ZNF83: variants seen among roughly 807,000 people sequenced by gnomAD.
ZNF83 encodes the protein zinc finger protein 816B.
For missense variants in ZNF83, 552 were observed against 629.9 expected (o/e 0.88, Z 1.32); for synonymous variants, 209 against 213.0 (o/e 0.98, Z 0.17).
chr19:52,654,057 T>G, intron 3 of ZNF83: 1 of 1,591,776 alleles, frequency 6.3e-7, no homozygotes, highest in Non-Finnish European at 8.6e-7. Context: ...ACTTCTCCAC[T>G]TGATTATCAA....
intron 3 of ZNF83, chr19:52,652,210 A>G: frequency 9.1e-6 from 2 of 219,194 alleles, no homozygotes; most frequent in Non-Finnish European, 1.8e-5. Context: ...AGGCCGAGGC[A>G]GGCGGATCAC....
chr19:52,669,045 T>A (rs1367270873), intron 1 of ZNF83, among the ~76,000 whole-genome samples: 20 of 128,286 alleles, frequency 1.6e-4, no homozygotes, highest in Admixed American at 1.5e-3. Context: ...GAGCTTAAAA[T>A]TTTTCAAAAG....
In ZNF83 at chr19:52,674,606, T is replaced by G. The variant is rs73934825; in HGVS notation, c.-282-13763A>C. 7.5e-3 allele frequency among the ~76,000 whole-genome samples: 1,149 copies of G among 152,320 alleles called. 19 individuals are homozygous for G. The highest frequency in any genetic ancestry group is 0.026 in the African/African-American group (1,085 of 41,582). The stretch of plus-strand genomic sequence containing the variant: ...AGTACAATATTAGCACCAAAATTAG[T>G]TGAATTTCCATGCAATAACAGTAAA... On this transcript the variant is annotated intron_variant, in intron 1 of 5. Transcript: ENST00000594682.
chr19:52,620,230 A>ATGTG (rs2060485155), intron 2 of ZNF83, among the ~76,000 whole-genome samples: 1 of 98,788 alleles, frequency 1.0e-5, no homozygotes, highest in South Asian at 2.7e-4. Flanking sequence ...GTGTATGTGT[A>ATGTG]TATGTATATA....
intron 1 of ZNF83, among the ~76,000 whole-genome samples, chr19:52,662,124 T>G (rs1248857255): frequency 2.6e-5 from 4 of 152,208 alleles, no homozygotes; most frequent in Non-Finnish European, 4.4e-5. Context: ...ATTTTGGAAA[T>G]GATGTATTTT....
intron 1 of ZNF83, among the ~76,000 whole-genome samples, chr19:52,684,351 G>C (rs1222136481): frequency 1.3e-5 from 2 of 151,902 alleles, no homozygotes; most frequent in African/African-American, 4.8e-5. Context: ...GGGTGACAGA[G>C]TGAGACTCAA....
intron 1 of ZNF83, among the ~76,000 whole-genome samples, chr19:52,669,470 G>A (rs1021504049): frequency 1.3e-5 from 2 of 152,134 alleles, no homozygotes; most frequent in African/African-American, 4.8e-5. Context: ...AGCAATTAGG[G>A]GCTACCAGCC....
At chr19:52,624,852 T>C (rs1358053351) in intron 2 of ZNF83, among the ~76,000 whole-genome samples, 1 of 152,174 alleles carries the variant, frequency 6.6e-6, no homozygotes, top group Non-Finnish European at 1.5e-5. Flanking sequence ...ATCTATTTTC[T>C]TCCTCACACC....
intron 1 of ZNF83, among the ~76,000 whole-genome samples, chr19:52,672,662 C>T (rs955676171): frequency 1.3e-5 from 2 of 152,158 alleles, no homozygotes; most frequent in East Asian, 1.9e-4. Flanking sequence ...TGCAATGGCA[C>T]GGTCTCGGCT....
chr19:52,615,768 T>C (rs1222568056), intron 2 of ZNF83, among the ~76,000 whole-genome samples: 1 of 152,218 alleles, frequency 6.6e-6, no homozygotes. Flanking sequence ...TATGGCAGGC[T>C]GATGTGGTTA....
At chr19:52,614,918 C>T (rs1568528186) in intron 2 of ZNF83, 121 bp from the exon 3 acceptor site, 7 of 975,084 alleles carry the variant, frequency 7.2e-6, no homozygotes, top group Non-Finnish European at 8.0e-6. Flanking sequence ...TTATAAAACT[C>T]CCATTCATGA....
intron 1 of ZNF83, among the ~76,000 whole-genome samples, chr19:52,671,751 T>G (rs1293937072): frequency 2.0e-5 from 3 of 152,222 alleles, no homozygotes; most frequent in Non-Finnish European, 4.4e-5. Flanking sequence ...AATTGCAATC[T>G]ATTTTAGGTG....
chr19:52,683,520 CCAA>C (rs1321509126), intron 1 of ZNF83, among the ~76,000 whole-genome samples: 1 of 125,662 alleles, frequency 8.0e-6, no homozygotes, highest in Non-Finnish European at 1.6e-5. Flanking sequence ...TGAAGGGAAT[CCAA>C]AGGGAAGGGC....
intron 2 of ZNF83, among the ~76,000 whole-genome samples, chr19:52,659,248 C>T (rs2061546212): frequency 6.6e-6 from 1 of 151,848 alleles, no homozygotes; most frequent in Non-Finnish European, 1.5e-5. Context: ...AGGAAAGCTG[C>T]GATGGAAGCA....
chr19:52,640,847 T>C (rs73934588), upstream of ZNF83, among the ~76,000 whole-genome samples: 1,842 of 152,250 alleles, frequency 0.012, 38 homozygotes, highest in African/African-American at 0.042. Context: ...CAACATGTTG[T>C]TTTATCTTCG....
chr19:52,615,262 A>G (rs575127320), intron 2 of ZNF83, among the ~76,000 whole-genome samples: 3 of 152,344 alleles, frequency 2.0e-5, no homozygotes, highest in Non-Finnish European at 4.4e-5. Context: ...CATGGCCTAA[A>G]TGTTTGCACT....
chr19:52,630,158 C>T (rs2060900013), intron 2 of ZNF83, among the ~76,000 whole-genome samples: 1 of 152,240 alleles, frequency 6.6e-6, no homozygotes, highest in South Asian at 2.1e-4. Context: ...GTTCAACTCA[C>T]TTGGCAACCA....
intron 1 of ZNF83, among the ~76,000 whole-genome samples, chr19:52,662,716 GTA>G (rs1276005363): frequency 6.6e-6 from 1 of 152,088 alleles, no homozygotes; most frequent in Non-Finnish European, 1.5e-5. Context: ...TTCCTCACCT[GTA>G]TATTACAGAT....
intron 2 of ZNF83, among the ~76,000 whole-genome samples, chr19:52,627,810 C>A (rs1257245598): frequency 6.6e-6 from 1 of 152,174 alleles, no homozygotes; most frequent in Non-Finnish European, 1.5e-5. Flanking sequence ...GGCCTCTGAG[C>A]CCAAGCTAAG....
Sources: allele counts gnomAD v4.1 joint callset (sites outside exome capture counted in the v4.1 genomes callset), GRCh38; gene constraint gnomAD v4.1.1; transcripts MANE v1.5; gene names NCBI Gene and HGNC (gene_info 2026-07-23, HGNC 2026-07-21).